Variants in DCLK1 observed in about 807,000 individuals in gnomAD.
DCLK1 encodes doublecortin like kinase 1.
In DCLK1, 16 loss-of-function variants were observed where a neutral mutation model predicts 86.2. The observed-to-expected ratio is 0.19, with a 90% CI of 0.13 to 0.28. The LOEUF (loss-of-function observed/expected upper bound fraction) is 0.28, where lower values mean the gene tolerates loss of function less well. DCLK1 is among the 10% of genes least tolerant of loss of function. DCLK1 has a pLI of 1.00. For missense variants in DCLK1, 590 were observed against 940.2 expected, an observed-to-expected ratio of 0.63 and a Z score of 4.87; for synonymous variants, 369 against 370.5, an observed-to-expected ratio of 1.00 and a Z score of 0.05.
chr13:35,898,902 C>T (rs1200115227), intron 4 of DCLK1, among the ~76,000 whole-genome samples: 1 of 152,086 alleles, frequency 6.6e-6, no homozygotes, highest in Admixed American at 6.6e-5. Context: ...CCACCATGCC[C>T]AGCTAACTTT....
At chr13:36,103,127 G>A (rs185559597) in intron 3 of DCLK1, among the ~76,000 whole-genome samples, 10 of 152,248 alleles carry the variant, frequency 6.6e-5, no homozygotes, top group Admixed American at 2.0e-4. Flanking sequence ...AGGGCCAGGT[G>A]CAGTGGCTCA....
rs2153096815 is a variant in DCLK1, at chr13:35,774,377, A to T, written c.*158T>A. On this transcript the variant is annotated 3_prime_UTR_variant, in exon 17 of 17. Transcript: ENST00000360631. ...CACCACGTGTCATCTTATTCAGTAA[A>T]GGGAAACCGCTACAAAGATACCTGA... 1.1e-6 allele frequency: 1 copy of T among 903,592 alleles called. No individual in the cohort carries two copies. Among genetic ancestry groups the T allele is most frequent in the East Asian group, 2.7e-5 (1 of 37,324 alleles). The allele number at this position is 903,592 out of a possible 1,614,324, so 56.0% of individuals were successfully genotyped here.
chr13:35,974,532 T>C lies in DCLK1; in HGVS notation c.724-27075A>G, dbSNP rs185920185. 3.7e-4 allele frequency among the ~76,000 whole-genome samples: 56 copies of C among 152,254 alleles called. No individual in the cohort carries two copies. The East Asian group carries it at 6.8e-3, about 18-fold the overall frequency. On this transcript the variant is annotated intron_variant, in intron 3 of 16. Transcript: ENST00000360631. ...GGTAATTGGATCTTGGGGGCGGATA[T>C]CCCCCTTGCTGTTCTCGTGATAGTG...
chr13:36,077,634 G>C (rs540441229), intron 3 of DCLK1, among the ~76,000 whole-genome samples: 1 of 152,272 alleles, frequency 6.6e-6, no homozygotes, highest in East Asian at 1.9e-4. Context: ...AACATGAAAG[G>C]AGAGCCAGAT....
At chr13:35,792,459 T>C (rs1377004815) in intron 16 of DCLK1, among the ~76,000 whole-genome samples, 1 of 152,196 alleles carries the variant, frequency 6.6e-6, no homozygotes, top group Non-Finnish European at 1.5e-5. Context: ...GTACTGCTCA[T>C]GAGTGAGAGG....
chr13:36,093,503 T>G (rs1162519547), intron 3 of DCLK1, among the ~76,000 whole-genome samples: 6 of 152,232 alleles, frequency 3.9e-5, no homozygotes, highest in Admixed American at 6.5e-5. Context: ...AAGTACCATA[T>G]ATTATATACA....
chr13:35,935,602 G>A (rs757113265), intron 4 of DCLK1, among the ~76,000 whole-genome samples: 1 of 152,196 alleles, frequency 6.6e-6, no homozygotes, highest in Admixed American at 6.5e-5. Flanking sequence ...GATGAGTTCA[G>A]TTGTGGGATG....
chr13:36,110,875 G>C (rs1464227402), intron 3 of DCLK1, among the ~76,000 whole-genome samples: 2 of 138,294 alleles, frequency 1.4e-5, no homozygotes, highest in African/African-American at 5.5e-5. Context: ...CTGTCACCCA[G>C]GCTGGAGTGC....
intron 3 of DCLK1, among the ~76,000 whole-genome samples, chr13:36,019,497 A>G (rs899898090): frequency 9.2e-5 from 14 of 152,194 alleles, no homozygotes; most frequent in African/African-American, 3.4e-4. Context: ...TATATACATC[A>G]CTAATGTATG....
intron 3 of DCLK1, among the ~76,000 whole-genome samples, chr13:35,987,643 C>A (rs1879995470): frequency 6.6e-6 from 1 of 151,998 alleles, no homozygotes; most frequent in African/African-American, 2.4e-5. Context: ...AATAAAATGA[C>A]CCTGAGGGGC....
intron 4 of DCLK1, among the ~76,000 whole-genome samples, chr13:35,898,537 T>C (rs1045571366): frequency 1.3e-5 from 2 of 152,182 alleles, no homozygotes; most frequent in African/African-American, 4.8e-5. Flanking sequence ...TTTAGGCATA[T>C]TTGCAACAAC....
chr13:35,894,699 C>T (rs1179498138), intron 4 of DCLK1, among the ~76,000 whole-genome samples: 1 of 152,170 alleles, frequency 6.6e-6, no homozygotes, highest in African/African-American at 2.4e-5. Context: ...ACAGACACTT[C>T]AGCTCTTCCT....
At chr13:36,122,737 G>C (rs1487609337) in intron 2 of DCLK1, among the ~76,000 whole-genome samples, 1 of 152,106 alleles carries the variant, frequency 6.6e-6, no homozygotes, top group Non-Finnish European at 1.5e-5. Flanking sequence ...AGGCCATTTT[G>C]AAAGCAAACA....
chr13:35,905,921 G>A (rs983290234), intron 4 of DCLK1, among the ~76,000 whole-genome samples: 12 of 151,862 alleles, frequency 7.9e-5, no homozygotes, highest in Non-Finnish European at 1.2e-4. Flanking sequence ...TATATATCTC[G>A]GCAAACTTTC....
intron 3 of DCLK1, among the ~76,000 whole-genome samples, chr13:35,977,815 C>G (rs1879420877): frequency 6.6e-6 from 1 of 151,762 alleles, no homozygotes; most frequent in Admixed American, 6.6e-5. Flanking sequence ...TAACTCCAGG[C>G]CCAGATGTTG....
intron 16 of DCLK1, chr13:35,788,137 C>G: frequency 1.5e-6 from 2 of 1,379,254 alleles, no homozygotes; most frequent in South Asian, 1.2e-5. Flanking sequence ...GTTTATCCAC[C>G]GAAGGAACTG....
chr13:35,899,235 A>G (rs1047151515), intron 4 of DCLK1, among the ~76,000 whole-genome samples: 8 of 152,022 alleles, frequency 5.3e-5, no homozygotes, highest in Non-Finnish European at 1.2e-4. Context: ...ATTGATCCCA[A>G]TCATCTCCTT....
At chr13:35,853,650 G>A (rs1399677837) in intron 6 of DCLK1, among the ~76,000 whole-genome samples, 1 of 152,186 alleles carries the variant, frequency 6.6e-6, no homozygotes, top group Admixed American at 6.5e-5. Context: ...TTGTGTTTGA[G>A]TGCAGTAGAC....
At chr13:35,986,815 A>C (rs1020903820) in intron 3 of DCLK1, among the ~76,000 whole-genome samples, 17 of 152,120 alleles carry the variant, frequency 1.1e-4, no homozygotes, top group African/African-American at 4.1e-4. Flanking sequence ...GTAGAGCTAC[A>C]CCTTAGTTTT....
Sources: allele counts gnomAD v4.1 joint callset (sites outside exome capture counted in the v4.1 genomes callset), GRCh38; gene constraint gnomAD v4.1.1; transcripts MANE v1.5; gene names NCBI Gene and HGNC (gene_info 2026-07-23, HGNC 2026-07-21).